Variants in ESRRG observed in about 807,000 individuals in gnomAD.
The protein encoded by ESRRG is estrogen-related receptor gamma.
In ESRRG, 13 loss-of-function variants were observed where a neutral mutation model predicts 44.0. That is an observed-to-expected ratio of 0.30 (90% CI 0.19 to 0.47). ESRRG has a LOEUF of 0.47. Among genes scored for constraint, ESRRG ranks in the 20% least tolerant of loss-of-function variants. ESRRG has a pLI of 1.00. For synonymous variants in ESRRG, 215 were observed against 214.6 expected (o/e 1.00, Z -0.02); for missense variants, 395 against 580.6 (o/e 0.68, Z 3.29).
chr1:216,670,844 C>A (rs1056936243), intron 2 of ESRRG, among the ~76,000 whole-genome samples: 3 of 152,082 alleles, frequency 2.0e-5, no homozygotes, highest in African/African-American at 7.2e-5. Context: ...AGGCTATGAA[C>A]CAGCTCTCCT....
chr1:216,524,782 C>A (rs994875038), intron 5 of ESRRG, among the ~76,000 whole-genome samples: 1 of 152,110 alleles, frequency 6.6e-6, no homozygotes. Context: ...AAAGGCAGGA[C>A]TCAGGTTTTA....
chr1:216,751,761 A>G (rs1268572575), intron 2 of ESRRG, among the ~76,000 whole-genome samples: 1 of 152,128 alleles, frequency 6.6e-6, no homozygotes, highest in Non-Finnish European at 1.5e-5. Context: ...AAAAATCAGA[A>G]TCATTGGTGA....
intron 1 of ESRRG, among the ~76,000 whole-genome samples, chr1:217,016,202 C>T (rs989137367): frequency 2.0e-5 from 3 of 152,152 alleles, no homozygotes; most frequent in Admixed American, 1.3e-4. Context: ...TATCATAATG[C>T]AGACTGAGAT....
chr1:216,992,586 C>G (rs972085697), intron 1 of ESRRG, among the ~76,000 whole-genome samples: 4 of 152,152 alleles, frequency 2.6e-5, no homozygotes, highest in Non-Finnish European at 4.4e-5. Flanking sequence ...TTTAACCACA[C>G]AAAACACTCA....
chr1:216,837,387 GGCAACACA>G (rs2095583317), intron 2 of ESRRG, among the ~76,000 whole-genome samples: 1 of 146,406 alleles, frequency 6.8e-6, no homozygotes, highest in South Asian at 2.2e-4. Context: ...CTCCAGCCTG[GGCAACACA>G]GCAAGACTCC....
At chr1:216,723,729 CTCTT>C (rs1257776030), upstream of ESRRG, among the ~76,000 whole-genome samples, 160 of 151,920 alleles carry the variant, frequency 1.1e-3, no homozygotes, top group African/African-American at 3.3e-3. Flanking sequence ...TCCCTTCTCT[CTCTT>C]TCTTTTTTTT....
chr1:216,580,714 G>A (rs2062605732), intron 3 of ESRRG, among the ~76,000 whole-genome samples: 1 of 152,156 alleles, frequency 6.6e-6, no homozygotes, highest in Admixed American at 6.5e-5. Context: ...GAATGAAATG[G>A]TGTACTTAAA....
chr1:217,000,836 T>C (rs745368434), intron 1 of ESRRG: 1 of 152,234 alleles, frequency 6.6e-6, no homozygotes, highest in Non-Finnish European at 1.5e-5. Flanking sequence ...GTGTGTTCCA[T>C]AGACTTCCAT....
chr1:217,019,674 T>A (rs1471368046), intron 1 of ESRRG, among the ~76,000 whole-genome samples: 1 of 152,210 alleles, frequency 6.6e-6, no homozygotes, highest in African/African-American at 2.4e-5. Flanking sequence ...GCCTGTCATA[T>A]TCGTTCTTTT....
rs2062224193 is a variant in ESRRG at position 216,621,458 on chromosome 1, G to A, written c.589+29515C>T. On this transcript the variant is annotated intron_variant, in intron 3 of 6. Coordinates refer to ENST00000408911, the MANE Select transcript of ESRRG (RefSeq NM_001438.4). ...TTGCTAGGTAAGGAAAAAGGAGATG[G>A]AGAAAGATCTTAGCCCACATGTGTT... Among the ~76,000 whole-genome samples the A allele has an allele frequency of 2.0e-5, 3 of 152,276 alleles. No individual in the cohort carries two copies. In the South Asian group the frequency reaches 6.2e-4, roughly 32 times the overall value.
chr1:216,822,731 A>C (rs1028317484), intron 2 of ESRRG, among the ~76,000 whole-genome samples: 1 of 152,224 alleles, frequency 6.6e-6, no homozygotes, highest in Admixed American at 6.5e-5. Context: ...TAACTAAAGC[A>C]AACAAAGCTC....
At chr1:216,755,297 AAGC>A (rs2092375853) in intron 2 of ESRRG, among the ~76,000 whole-genome samples, 1 of 152,000 alleles carries the variant, frequency 6.6e-6, no homozygotes, top group Non-Finnish European at 1.5e-5. Flanking sequence ...TTTGCCTTTA[AAGC>A]AAAAATTAAT....
rs184912319 is a variant in ESRRG, at chr1:216,825,099, T to G, written c.-14+114483A>C. On this transcript the variant is annotated intron_variant, in intron 2 of 7. Coordinates refer to the ESRRG transcript ENST00000359162. ...GCCATCAGTTTCTAGTCCCACACCA[T>G]AAACATCATTTCAGTAATGGTGAGC... Among the ~76,000 whole-genome samples, 317 of 152,246 alleles carry G rather than the reference T, an allele frequency of 2.1e-3. 1 individual carries two copies. Among genetic ancestry groups the G allele is most frequent in the African/African-American group, 6.7e-3 (280 of 41,552 alleles).
chr1:216,545,234 T>TG (rs1162898438), intron 5 of ESRRG, among the ~76,000 whole-genome samples: 3 of 151,260 alleles, frequency 2.0e-5, no homozygotes, highest in Admixed American at 6.6e-5. Flanking sequence ...TTTTATGTTT[T>TG]TTTTTTTTTT....
intron 1 of ESRRG, among the ~76,000 whole-genome samples, chr1:217,096,162 A>G (rs750705963): frequency 6.6e-6 from 1 of 152,118 alleles, no homozygotes. Flanking sequence ...TTCTGAAAAA[A>G]CCTATCCACC....
chr1:217,009,333 G>A (rs1234720269), intron 1 of ESRRG, among the ~76,000 whole-genome samples: 1 of 152,032 alleles, frequency 6.6e-6, no homozygotes, highest in Non-Finnish European at 1.5e-5. Context: ...GTACATTTTT[G>A]CTGAGACTTG....
chr1:217,043,176 C>T (rs2084192682), intron 1 of ESRRG, among the ~76,000 whole-genome samples: 1 of 152,096 alleles, frequency 6.6e-6, no homozygotes, highest in Non-Finnish European at 1.5e-5. Flanking sequence ...CATCAAGAAA[C>T]TCAGCAAAGA....
At chr1:216,686,549 T>C (rs1237835083) in intron 1 of ESRRG, among the ~76,000 whole-genome samples, 1 of 152,008 alleles carries the variant, frequency 6.6e-6, no homozygotes, top group Non-Finnish European at 1.5e-5. Flanking sequence ...GACCTGCTTG[T>C]CGTTTGTCAC....
intron 1 of ESRRG, among the ~76,000 whole-genome samples, chr1:216,941,223 G>C (rs959804544): frequency 6.6e-6 from 1 of 152,132 alleles, no homozygotes; most frequent in Non-Finnish European, 1.5e-5. Flanking sequence ...ACTGACACTA[G>C]AGGGTCAGAA....
Sources: allele counts gnomAD v4.1 joint callset (sites outside exome capture counted in the v4.1 genomes callset), GRCh38; gene constraint gnomAD v4.1.1; transcripts MANE v1.5; gene names NCBI Gene and HGNC (gene_info 2026-07-23, HGNC 2026-07-21).